The following WWOX variants were observed in gnomAD, a reference collection of about 807,000 sequenced individuals.
WWOX encodes the protein WW domain-containing oxidoreductase.
In WWOX, 69 loss-of-function variants were observed where a neutral mutation model predicts 46.2. The ratio of observed to expected loss-of-function variants is 1.49; its 90% confidence interval spans 1.23 to 1.82. WWOX has a LOEUF of 1.82. WWOX is among the 40% of genes most tolerant of loss of function. WWOX has a pLI of 0.00. For synonymous variants in WWOX, 359 were observed against 202.6 expected (o/e 1.77, Z -6.56); for missense variants, 919 against 542.6 (o/e 1.69, Z -6.89).
At chr16:79,118,249 G>C (rs1300634105) in intron 8 of WWOX, among the ~76,000 whole-genome samples, 1 of 152,190 alleles carries the variant, frequency 6.6e-6, no homozygotes, top group East Asian at 1.9e-4. Context: ...GCCCAAGGAG[G>C]GGGAAAGAGA....
intron 8 of WWOX, among the ~76,000 whole-genome samples, chr16:78,859,027 A>ATATATATAT (rs58798658): frequency 3.0e-4 from 7 of 23,684 alleles, no homozygotes; most frequent in African/African-American, 1.1e-3. Context: ...AAAAAAAAAA[A>ATATATATAT]ATATATATAT....
intron 8 of WWOX, among the ~76,000 whole-genome samples, chr16:78,481,776 C>A (rs2084498341): frequency 7.3e-6 from 1 of 136,504 alleles, no homozygotes; most frequent in Non-Finnish European, 1.7e-5. Flanking sequence ...CGCGCGCCTG[C>A]ATGTGTACTG....
chr16:78,764,364 G>A (rs2049874984), intron 8 of WWOX, among the ~76,000 whole-genome samples: 1 of 151,348 alleles, frequency 6.6e-6, no homozygotes, highest in African/African-American at 2.4e-5. Context: ...CTTGACACAG[G>A]AGGCCGCCTC....
intron 5 of WWOX, among the ~76,000 whole-genome samples, chr16:78,196,808 C>T (rs1366223938): frequency 1.3e-5 from 2 of 152,180 alleles, no homozygotes; most frequent in Middle Eastern, 3.2e-3. Flanking sequence ...AGCAAAGTTT[C>T]TGCTAATGAT....
intron 8 of WWOX, among the ~76,000 whole-genome samples, chr16:78,848,903 A>G (rs777982367): frequency 6.6e-6 from 1 of 151,826 alleles, no homozygotes; most frequent in Admixed American, 6.6e-5. Flanking sequence ...ATCCTTGCAG[A>G]TAAGTTAGTA....
intron 8 of WWOX, among the ~76,000 whole-genome samples, chr16:78,677,844 A>G (rs1039173015): frequency 3.3e-5 from 5 of 152,212 alleles, no homozygotes; most frequent in African/African-American, 1.2e-4. Context: ...CCTTCTGAGT[A>G]CAGAACCAAA....
chr16:78,616,422 G>C (rs892981468), intron 8 of WWOX, among the ~76,000 whole-genome samples: 8 of 151,962 alleles, frequency 5.3e-5, no homozygotes, highest in Admixed American at 1.3e-4. Context: ...TGTCCATCTT[G>C]CTATTTTCTC....
At chr16:78,334,449 A>G (rs771223282) in intron 5 of WWOX, among the ~76,000 whole-genome samples, 1 of 152,192 alleles carries the variant, frequency 6.6e-6, no homozygotes, top group Non-Finnish European at 1.5e-5. Flanking sequence ...TGAACCATTA[A>G]AGATACAGCA....
At chr16:78,632,818 A>G (rs1189810931) in intron 8 of WWOX, among the ~76,000 whole-genome samples, 23 of 151,832 alleles carry the variant, frequency 1.5e-4, no homozygotes. Context: ...TCAGCCTCCC[A>G]CAGTGCTGGG....
chr16:78,239,133 C>T (rs11642674), intron 5 of WWOX, among the ~76,000 whole-genome samples: 39,908 of 152,108 alleles, frequency 0.26, 5,954 homozygotes, highest in Non-Finnish European at 0.34. Context: ...GGTGCTCACC[C>T]ACATTTTGGT....
At chr16:79,124,881 A>G (rs1368978175) in intron 8 of WWOX, among the ~76,000 whole-genome samples, 3 of 152,146 alleles carry the variant, frequency 2.0e-5, no homozygotes, top group Non-Finnish European at 4.4e-5. Context: ...ATCTTGCCAG[A>G]CCCTTACATA....
intron 8 of WWOX, among the ~76,000 whole-genome samples, chr16:78,930,967 C>G (rs1053098103): frequency 6.6e-6 from 1 of 152,178 alleles, no homozygotes; most frequent in Non-Finnish European, 1.5e-5. Context: ...GGACATGTCA[C>G]TAGCAGCCTC....
intron 5 of WWOX, among the ~76,000 whole-genome samples, chr16:78,384,832 C>A (rs1042552992): frequency 1.3e-5 from 2 of 152,168 alleles, no homozygotes; most frequent in Non-Finnish European, 2.9e-5. Context: ...TTTCTACCAC[C>A]TTTCCTTAAA....
chr16:78,639,198 A>C (rs979212114), intron 8 of WWOX, among the ~76,000 whole-genome samples: 4 of 152,144 alleles, frequency 2.6e-5, no homozygotes, highest in Non-Finnish European at 4.4e-5. Flanking sequence ...AGGATGTACA[A>C]AGTACTTCTG....
At chr16:78,756,180 G>C (rs2049641640) in intron 8 of WWOX, among the ~76,000 whole-genome samples, 1 of 152,192 alleles carries the variant, frequency 6.6e-6, no homozygotes, top group Admixed American at 6.5e-5. Context: ...TACTGCCTCT[G>C]GCTAATAGGG....
At chr16:78,226,681 A>T (rs1259791875) in intron 5 of WWOX, among the ~76,000 whole-genome samples, 1 of 152,018 alleles carries the variant, frequency 6.6e-6, no homozygotes, top group Non-Finnish European at 1.5e-5. Context: ...AGAGGTGTGC[A>T]CCTGGCCTCA....
intron 8 of WWOX, among the ~76,000 whole-genome samples, chr16:79,057,952 A>G (rs2048292966): frequency 6.6e-6 from 1 of 152,164 alleles, no homozygotes; most frequent in Non-Finnish European, 1.5e-5. Flanking sequence ...AAATCATTCA[A>G]ATCGCTGTTT....
At chr16:79,072,805 G>C (rs1309335893) in intron 8 of WWOX, among the ~76,000 whole-genome samples, 1 of 152,084 alleles carries the variant, frequency 6.6e-6, no homozygotes, top group African/African-American at 2.4e-5. Flanking sequence ...TTTAGTAAAT[G>C]CTTGGTCTTT....
At chr16:78,734,458 C>G (rs766150600) in intron 8 of WWOX, among the ~76,000 whole-genome samples, 3 of 152,028 alleles carry the variant, frequency 2.0e-5, no homozygotes, top group Admixed American at 6.6e-5. Flanking sequence ...CCTGTGCGTC[C>G]TTAAATCTTA....
Sources: allele counts gnomAD v4.1 joint callset (sites outside exome capture counted in the v4.1 genomes callset), GRCh38; gene constraint gnomAD v4.1.1; transcripts MANE v1.5; gene names NCBI Gene and HGNC (gene_info 2026-07-23, HGNC 2026-07-21).